The following SORCS1 variants were observed in gnomAD, a reference collection of about 807,000 sequenced individuals.
SORCS1 encodes the protein sortilin related VPS10 domain containing receptor 1, also known as VPS10 domain-containing receptor SorCS1.
In SORCS1, 60 loss-of-function variants were observed where a neutral mutation model predicts 146.1. That is an observed-to-expected ratio of 0.41 (90% CI 0.33 to 0.51). The LOEUF (loss-of-function observed/expected upper bound fraction) is 0.51. SORCS1 is among the 20% of genes least tolerant of loss of function. SORCS1 has a pLI of 0.21. For synonymous variants in SORCS1, 637 were observed against 584.0 expected, an observed-to-expected ratio of 1.09 and a Z score of -1.31; for missense variants, 1,352 against 1,487.6, an observed-to-expected ratio of 0.91 and a Z score of 1.50.
chr10:107,053,013 A>C (rs1680576908), intron 1 of SORCS1, among the ~76,000 whole-genome samples: 1 of 152,194 alleles, frequency 6.6e-6, no homozygotes, highest in Non-Finnish European at 1.5e-5. Context: ...AATATCAGCT[A>C]CTTTCTGAAT....
rs140180334 is a variant in SORCS1 at position 106,708,133 on chromosome 10, A to T, written c.1143+1090T>A. 1.0e-3 allele frequency among the ~76,000 whole-genome samples: 154 copies of T among 152,332 alleles called. 1 individual carries two copies. Among genetic ancestry groups the T allele is most frequent in the African/African-American group, 3.7e-3 (152 of 41,564 alleles). ...TCCTGGGAGCAGCACTGATACAGAA[A>T]TGAATTATTATAGACAGAACCAATA... On this transcript the variant is annotated intron_variant, in intron 7 of 25. Coordinates refer to ENST00000263054, the MANE Select transcript of SORCS1 (RefSeq NM_052918.5).
chr10:106,675,066 T>A lies in SORCS1; in HGVS notation c.1923A>T (p.Glu641Asp). 6.2e-7 allele frequency: 1 copy of A among 1,613,654 alleles called. No homozygotes were observed. The highest frequency in any genetic ancestry group is 1.1e-5 in the South Asian group (1 of 91,038). Reference sequence around the variant, plus strand: ...CAACTTACGTCATGATGAGAGTCTCTTCTCCAGGCTCACCCAGAACCCCAT... The same window carrying A: ...CAACTTACGTCATGATGAGAGTCTCATCTCCAGGCTCACCCAGAACCCCAT... Reference protein sequence around the residue: ...FVDGVLGEPGEETLIMTVFGH... With the variant: ...FVDGVLGEPGDETLIMTVFGH... The change falls in exon 14 of 26, where the codon GAA (glutamate) becomes GAT (aspartate). Residue 641 changes from glutamate (E) to aspartate (D), a missense_variant. Around this residue, in one of 3 missense-constraint regions of SORCS1, gnomAD observed 648 missense variants for 793.8 expected, o/e 0.82. Coordinates refer to ENST00000263054, the MANE Select transcript of SORCS1 (RefSeq NM_052918.5).
At chr10:106,942,012 C>G (rs1017714464) in intron 2 of SORCS1, among the ~76,000 whole-genome samples, 2 of 152,176 alleles carry the variant, frequency 1.3e-5, no homozygotes, top group African/African-American at 2.4e-5. Context: ...GGGGAATTGA[C>G]AAGTAGATCT....
chr10:106,842,942 A>G (rs1949117049), intron 2 of SORCS1, among the ~76,000 whole-genome samples: 1 of 152,190 alleles, frequency 6.6e-6, no homozygotes, highest in Non-Finnish European at 1.5e-5. Flanking sequence ...AGTTATGTGC[A>G]TGTGTGTGTA....
At chr10:106,879,368 T>A (rs1019071023) in intron 2 of SORCS1, among the ~76,000 whole-genome samples, 6 of 152,204 alleles carry the variant, frequency 3.9e-5, no homozygotes, top group African/African-American at 1.4e-4. Context: ...ATTCAGTTAT[T>A]ATATATTACA....
intron 2 of SORCS1, among the ~76,000 whole-genome samples, chr10:106,911,629 G>A (rs1952161032): frequency 6.6e-6 from 1 of 152,058 alleles, no homozygotes; most frequent in Admixed American, 6.6e-5. Flanking sequence ...TTGGCACCTG[G>A]CATTTCTCGG....
intron 1 of SORCS1, among the ~76,000 whole-genome samples, chr10:107,031,123 T>C (rs1472752019): frequency 1.3e-5 from 2 of 151,280 alleles, no homozygotes; most frequent in Admixed American, 1.3e-4. Context: ...GGTCTACATA[T>C]AAAATTAGAC....
intron 1 of SORCS1, among the ~76,000 whole-genome samples, chr10:106,996,616 G>A (rs573789731): frequency 2.4e-4 from 36 of 152,106 alleles, no homozygotes; most frequent in Middle Eastern, 6.8e-3. Flanking sequence ...GCCTTTCGTC[G>A]TACCAAAAAA....
In SORCS1 at chr10:106,633,277, T is replaced by C. The variant is rs1434993849; in HGVS notation, c.2476-3889A>G. 3.3e-5 allele frequency among the ~76,000 whole-genome samples: 5 copies of C among 152,344 alleles called. No homozygotes were observed. In the East Asian group the frequency reaches 9.6e-4, roughly 29 times the overall value. On this transcript the variant is annotated intron_variant, in intron 18 of 25. Coordinates refer to ENST00000263054, the MANE Select transcript of SORCS1 (RefSeq NM_052918.5). ...AGTGATAAAATCAGGGTAACTGTGA[T>C]ATCTATAACCTTGAATCTTTTTTAT... is the stretch of plus-strand genomic sequence containing the variant.
chr10:107,109,750 G>C (rs1314794322), intron 1 of SORCS1, among the ~76,000 whole-genome samples: 1 of 152,204 alleles, frequency 6.6e-6, no homozygotes, highest in Non-Finnish European at 1.5e-5. Context: ...TATCCTTTCT[G>C]TGTCACGTGG....
intron 3 of SORCS1, among the ~76,000 whole-genome samples, chr10:106,779,881 T>C (rs1860759712): frequency 6.6e-6 from 1 of 152,164 alleles, no homozygotes; most frequent in Non-Finnish European, 1.5e-5. Context: ...AATCACAACC[T>C]TCAAATTAAT....
At chr10:106,678,987 C>T (rs1398386565) in intron 12 of SORCS1, among the ~76,000 whole-genome samples, 1 of 152,194 alleles carries the variant, frequency 6.6e-6, no homozygotes, top group East Asian at 1.9e-4. Context: ...TTTAGTCAGA[C>T]TTAATTTGGT....
chr10:106,769,027 C>T (rs1341644401), intron 4 of SORCS1, among the ~76,000 whole-genome samples: 1 of 152,184 alleles, frequency 6.6e-6, no homozygotes, highest in African/African-American at 2.4e-5. Context: ...CTCTTACCAG[C>T]TCACTCTACT....
chr10:106,953,446 T>A (rs897055746), intron 2 of SORCS1, among the ~76,000 whole-genome samples: 10 of 152,130 alleles, frequency 6.6e-5, no homozygotes, highest in African/African-American at 2.4e-4. Context: ...TTTTTAAATT[T>A]TTTTCCCCCA....
At chr10:106,861,739 A>C (rs1352799070) in intron 2 of SORCS1, among the ~76,000 whole-genome samples, 1 of 151,942 alleles carries the variant, frequency 6.6e-6, no homozygotes, top group East Asian at 2.0e-4. Context: ...AAATACAAAA[A>C]TTAGCCAGGC....
chr10:106,776,571 T>A lies in SORCS1; in HGVS notation c.848A>T (p.Gln283Leu), dbSNP rs1449656015. The A allele has an allele frequency of 2.5e-6, 4 of 1,614,032 alleles. No individual in the cohort carries two copies. Among genetic ancestry groups the A allele is most frequent in the Non-Finnish European group, 2.5e-6 (3 of 1,179,930 alleles). ...YIQSLLFHPK[Q>L]EDWILAYSQD... ...ACTGTATGCCAGAATCCAGTCTTCTTGTTTGGGGTGAAAAAGCAAGCTTTG... is the reference window on the plus strand; with the variant it reads ...ACTGTATGCCAGAATCCAGTCTTCTAGTTTGGGGTGAAAAAGCAAGCTTTG... The change falls in exon 4 of 26, where the codon CAA (glutamine) becomes CTA (leucine). Residue 283 changes from glutamine to leucine, a missense_variant. Physicochemically the swap from Gln to Leu is moderately radical, Grantham distance 113. This residue lies in a region of SORCS1 where 490 missense variants were observed against 489.1 expected (regional missense o/e 1.00). Coordinates refer to ENST00000263054, the MANE Select transcript of SORCS1 (RefSeq NM_052918.5).
chr10:107,169,235 T>A (rs1970110043), upstream of SORCS1, among the ~76,000 whole-genome samples: 1 of 152,180 alleles, frequency 6.6e-6, no homozygotes, highest in Non-Finnish European at 1.5e-5. Flanking sequence ...AATATTTGGC[T>A]CCCCTTGGAT....
In SORCS1 at chr10:106,761,650, A is replaced by G. The variant is rs1483529698; in HGVS notation, c.897T>C (p.Ser299=). The part of the protein sequence containing the change: ...AYSQDQKLYS[S]AEFGRRWQLI... ...GCTGCCATCTTCTCCCAAATTCAGC[A>G]GAGCTGTATAACTGTAAAGAACAGA... The change falls in exon 5 of 26, where the codon TCT becomes TCC. Residue 299 remains serine (S), a synonymous_variant. Transcript: ENST00000263054. 1.9e-6 allele frequency: 3 copies of G among 1,614,150 alleles called. No homozygotes were observed. The highest frequency in any genetic ancestry group is 8.5e-7 in the Non-Finnish European group (1 of 1,179,998).
In SORCS1 at chr10:107,164,208, G is replaced by T. The variant is rs1220748484; in HGVS notation, c.319C>A (p.Arg107=). ...ASMAVAARSG[R]RRRSGADQEK... is the part of the protein sequence containing the mutation. Reference sequence around the variant, plus strand: ...TGATCCGCTCCGCTCCGTCTCCTCCGGCCGGAGCGTGCAGCAACCGCCATG... The same window carrying T: ...TGATCCGCTCCGCTCCGTCTCCTCCTGCCGGAGCGTGCAGCAACCGCCATG... The change falls in exon 1 of 26, where the codon CGG becomes AGG. Residue 107 remains arginine, a synonymous_variant. Coordinates refer to ENST00000263054, the MANE Select transcript of SORCS1 (RefSeq NM_052918.5). This position sits in a 1 kb window ranked among gnomAD's most constrained non-coding sequence, Gnocchi z 6.8. 6.2e-7 allele frequency: 1 copy of T among 1,609,624 alleles called. No individual in the cohort carries two copies. The highest frequency in any genetic ancestry group is 8.5e-7 in the Non-Finnish European group (1 of 1,179,820).
Sources: gnomAD v4.1 joint callset for allele counts (sites outside exome capture counted in the v4.1 genomes callset) on GRCh38, gnomAD v4.1.1 for gene constraint, gnomAD v4.1.1 regional missense constraint, Gnocchi (gnomAD v3.1) non-coding constraint, MANE v1.5 for transcripts, NCBI Gene and HGNC (gene_info 2026-07-23, HGNC 2026-07-21) for gene names.